Variants in FLYWCH1 observed in about 807,000 individuals in gnomAD.
FLYWCH1 encodes the protein FLYWCH-type zinc finger 1, also known as FLYWCH-type zinc finger-containing protein 1.
FLYWCH1 carries 75 observed loss-of-function variants against 66.4 expected under a neutral mutation model. The ratio of observed to expected loss-of-function variants is 1.13; its 90% CI spans 0.94 to 1.37. The LOEUF is 1.37. Ranked by LOEUF, FLYWCH1 falls within the 40% of genes most tolerant of loss-of-function variation. FLYWCH1 has a pLI of 0.00. For synonymous variants in FLYWCH1, 595 were observed against 429.9 expected (o/e 1.38, Z -4.75); for missense variants, 1,334 against 1,001.8 (o/e 1.33, Z -4.48).
intron 6 of FLYWCH1, among the ~76,000 whole-genome samples, chr16:2,934,335 C>G (rs576590854): frequency 2.0e-5 from 3 of 152,320 alleles, no homozygotes; most frequent in Non-Finnish European, 4.4e-5. Flanking sequence ...GGAAGGCTGT[C>G]TTAACGTCTG....
chr16:2,937,239 C>A lies in FLYWCH1; in HGVS notation c.1632C>A (p.Ala544=). The A allele has an allele frequency of 6.2e-7, 1 of 1,606,106 alleles. No individual in the cohort carries two copies. Among genetic ancestry groups the A allele is most frequent in the Non-Finnish European group, 8.5e-7 (1 of 1,177,610 alleles). The change falls in exon 7 of 10, where the codon GCC becomes GCA. Residue 544 remains alanine, a synonymous_variant. Coordinates refer to ENST00000253928, the MANE Select transcript of FLYWCH1 (RefSeq NM_001308068.2). ...TGTATTGGACCTGCCGGGACCAGGC[C>A]CGCATGGGCTGCCGCAGCCGCGCCA... ...EKVYWTCRDQ[A]RMGCRSRAIT...
chr16:2,939,538 C>CAGCCTGGCCAACATGCTGAAACCT (rs1567348541), intron 8 of FLYWCH1, among the ~76,000 whole-genome samples: 1 of 108,620 alleles, frequency 9.2e-6, no homozygotes, highest in Admixed American at 9.2e-5. Context: ...TGGTGAAACC[C>CAGCCTGGCCAACATGCTGAAACCT]TGTCTCTAAA....
intron 6 of FLYWCH1, chr16:2,936,812 G>A (rs1468630851): frequency 8.7e-6 from 5 of 574,758 alleles, no homozygotes; most frequent in Admixed American, 6.6e-5. Context: ...CTGCATGCAA[G>A]CCTGGGCGGG....
intron 7 of FLYWCH1, among the ~76,000 whole-genome samples, chr16:2,937,825 G>GGGTAGGCTGAGA (rs2071081189): frequency 6.6e-6 from 1 of 152,156 alleles, no homozygotes; most frequent in Non-Finnish European, 1.5e-5. Flanking sequence ...GCTGGCTGAG[G>GGGTAGGCTGAGA]GGTAGGTGGA....
intron 2 of FLYWCH1, among the ~76,000 whole-genome samples, chr16:2,923,371 C>G (rs1245997363): frequency 6.6e-6 from 1 of 152,156 alleles, no homozygotes; most frequent in Non-Finnish European, 1.5e-5. Flanking sequence ...CTCAGCCTCT[C>G]GAGTAGTTGG....
intron 8 of FLYWCH1, chr16:2,939,822 T>G: frequency 2.1e-6 from 1 of 466,628 alleles, no homozygotes; most frequent in Non-Finnish European, 3.8e-6. Flanking sequence ...CTATTTTCCA[T>G]GACAGCAGCT....
chr16:2,943,301 G>C (rs750625610), intron 9 of FLYWCH1: 1 of 151,976 alleles, frequency 6.6e-6, no homozygotes, highest in Non-Finnish European at 1.5e-5. Flanking sequence ...GGGGACCCCA[G>C]GGGAGGGGAC....
chr16:2,914,617 A>C lies in FLYWCH1; in HGVS notation c.-74+328A>C, dbSNP rs1190975857. ...CACTTAAGAAATCTGTACTGAGTGCAGCCAGGCATGGTGGTTCACGTCTGT... is the reference window on the plus strand; with the variant it reads ...CACTTAAGAAATCTGTACTGAGTGCCGCCAGGCATGGTGGTTCACGTCTGT... On this transcript the variant is annotated intron_variant, in intron 2 of 9. Coordinates refer to ENST00000253928, the MANE Select transcript of FLYWCH1 (RefSeq NM_001308068.2). Among the ~76,000 whole-genome samples, 8 of 152,178 alleles carry C rather than the reference A, an allele frequency of 5.3e-5. 1 individual carries two copies. The highest frequency in any genetic ancestry group is 1.0e-4 in the Non-Finnish European group (7 of 68,038).
intron 2 of FLYWCH1, among the ~76,000 whole-genome samples, chr16:2,926,559 A>G (rs2070573754): frequency 6.6e-6 from 1 of 152,150 alleles, no homozygotes; most frequent in Admixed American, 6.5e-5. Context: ...AGGGCCTGGG[A>G]AAAAAATTCA....
chr16:2,943,297 C>T (rs2071347797), intron 9 of FLYWCH1: 1 of 151,858 alleles, frequency 6.6e-6, no homozygotes, highest in Admixed American at 6.6e-5. Flanking sequence ...GGGAGGGGAC[C>T]CCAGGGGAGG....
intron 2 of FLYWCH1, among the ~76,000 whole-genome samples, chr16:2,923,356 C>T (rs2070445464): frequency 6.6e-6 from 1 of 152,232 alleles, no homozygotes; most frequent in African/African-American, 2.4e-5. Context: ...AAGCGATTCT[C>T]CTGCCTCAGC....
intron 6 of FLYWCH1, chr16:2,936,636 C>A (rs1480696657): frequency 2.2e-6 from 1 of 458,396 alleles, no homozygotes; most frequent in Admixed American, 2.3e-5. Context: ...CTCACCACAT[C>A]CAGGACAGTG....
rs758857923 is a variant in FLYWCH1 at position 2,912,039 on chromosome 16, G to T, written c.-303G>T. 2.2e-3 allele frequency: 329 copies of T among 152,558 alleles called. No homozygotes were observed. The highest frequency in any genetic ancestry group is 3.8e-3 in the Non-Finnish European group (258 of 68,174). The allele number at this position is 152,558 out of a possible 1,614,324, so 9.5% of individuals were successfully genotyped here. ...GGTCGGGGCTGGGAGCTGGTGCCCG[G>T]GTCGGGGTGGCGGCGGCGGCCTGGG... On this transcript the variant is annotated 5_prime_UTR_variant, in exon 1 of 10. Coordinates refer to ENST00000253928, the MANE Select transcript of FLYWCH1 (RefSeq NM_001308068.2).
At chr16:2,947,410 T>C (rs1440618198) in intron 9 of FLYWCH1, among the ~76,000 whole-genome samples, 1 of 87,834 alleles carries the variant, frequency 1.1e-5, no homozygotes, top group Non-Finnish European at 2.1e-5. Flanking sequence ...CAACTCTGAA[T>C]TGTACACTTA....
chr16:2,931,635 T>G (rs2070764953), intron 4 of FLYWCH1, among the ~76,000 whole-genome samples: 1 of 151,838 alleles, frequency 6.6e-6, no homozygotes, highest in Admixed American at 6.6e-5. Flanking sequence ...AATCAGAATT[T>G]TATCTGGTTC....
chr16:2,922,233 G>C (rs1470027933), intron 2 of FLYWCH1: 1 of 6,194 alleles, frequency 1.6e-4, no homozygotes, highest in African/African-American at 3.3e-3. Flanking sequence ...GATGGCTCGT[G>C]TGTGTGTGTG....
intron 9 of FLYWCH1, among the ~76,000 whole-genome samples, chr16:2,947,254 C>T (rs4786358): frequency 0.59 from 89,765 of 152,046 alleles, 26,858 homozygotes; most frequent in African/African-American, 0.68. Context: ...TCTGTTCTTA[C>T]GAAATGCCCA....
chr16:2,933,517 A>G lies in FLYWCH1; in HGVS notation c.1184A>G (p.Glu395Gly), dbSNP rs2070860161. 1 of 1,612,152 alleles carries G rather than the reference A, an allele frequency of 6.2e-7. No individual in the cohort carries two copies. Among genetic ancestry groups the G allele is most frequent in the African/African-American group, 1.3e-5 (1 of 74,900 alleles). ...RPRPRKRAKV[E>G]DQELPTQPEA... ...CGGCCCAGAAAGCGAGCAAAGGTCG[A>G]AGACCAGGAGCTGCCAACCCAGCCC... The change falls in exon 5 of 10, where the codon GAA becomes GGA. Residue 395 changes from glutamate to glycine, a missense_variant. Physicochemically the swap from Glu to Gly is moderately conservative, Grantham distance 98. Transcript: ENST00000253928.
intron 9 of FLYWCH1, among the ~76,000 whole-genome samples, chr16:2,941,212 G>T (rs1330894280): frequency 6.6e-6 from 1 of 152,130 alleles, no homozygotes; most frequent in African/African-American, 2.4e-5. Flanking sequence ...CAACACTCTG[G>T]GAGGCAGAGG....
Sources: allele counts gnomAD v4.1 joint callset (sites outside exome capture counted in the v4.1 genomes callset), GRCh38; gene constraint gnomAD v4.1.1; transcripts MANE v1.5; gene names NCBI Gene and HGNC (gene_info 2026-07-23, HGNC 2026-07-21).